The following ANKRD17 variants were observed in gnomAD, a reference collection of about 807,000 sequenced individuals.
The protein encoded by ANKRD17 is ankyrin repeat domain-containing protein 17.
ANKRD17 carries 19 observed loss-of-function variants against 229.7 expected under a neutral mutation model. The ratio of observed to expected loss-of-function variants is 0.08; its 90% CI spans 0.06 to 0.12. ANKRD17 has a LOEUF of 0.12. Ranked by LOEUF, ANKRD17 falls within the 10% of genes least tolerant of loss-of-function variation. The pLI, the probability that ANKRD17 is intolerant of heterozygous loss-of-function variation, is 1.00. For synonymous variants in ANKRD17, 1,112 were observed against 1,146.1 expected, an observed-to-expected ratio of 0.97 and a Z score of 0.60; for missense variants, 2,176 against 3,176.8, an observed-to-expected ratio of 0.68 and a Z score of 7.57.
At chr4:73,155,889 C>T in intron 4 of ANKRD17, 111 bp from the exon 5 acceptor site, 1 of 1,474,394 alleles carries the variant, frequency 6.8e-7, no homozygotes, top group Non-Finnish European at 9.1e-7. Flanking sequence ...TATAAGCACA[C>T]AAAATTTATC....
At chr4:73,225,384 C>T (rs1324240943) in intron 1 of ANKRD17, among the ~76,000 whole-genome samples, 3 of 152,130 alleles carry the variant, frequency 2.0e-5, no homozygotes, top group Non-Finnish European at 4.4e-5. Context: ...GTTAATAAAA[C>T]CTTTCACTCT....
intron 27 of ANKRD17, among the ~76,000 whole-genome samples, chr4:73,095,107 G>C (rs1442331782): frequency 6.6e-6 from 1 of 152,044 alleles, no homozygotes; most frequent in Non-Finnish European, 1.5e-5. Context: ...CCGGGAGATG[G>C]AGGTTGCTGT....
At chr4:73,102,874 C>T (rs962846268) in intron 24 of ANKRD17, 8 of 224,738 alleles carry the variant, frequency 3.6e-5, no homozygotes, top group African/African-American at 1.6e-4. Flanking sequence ...AAAAAGGTAT[C>T]AGATATCAGC....
At chr4:73,087,367 G>T (rs1458961192) in intron 29 of ANKRD17, among the ~76,000 whole-genome samples, 2 of 152,108 alleles carry the variant, frequency 1.3e-5, no homozygotes, top group Non-Finnish European at 2.9e-5. Context: ...TTACAAGTGT[G>T]AGCCACCACA....
chr4:73,113,680 G>T, intron 24 of ANKRD17, 112 bp downstream of exon 24: 1 of 855,160 alleles, frequency 1.2e-6, no homozygotes, highest in Non-Finnish European at 1.9e-6. Context: ...AAGAAATCAT[G>T]TACGTAATTT....
rs1722008240 is a variant in ANKRD17 at position 73,085,348 on chromosome 4, G to C, written c.7060C>G (p.Pro2354Ala). The change falls in exon 30 of 34, where the codon CCT becomes GCT. Residue 2354 changes from proline to alanine, a missense_variant. Transcript: ENST00000358602. ...GGTGCTCCTCCAAGGGGTGCCCCAG[G>C]TCCGTACATCTGACCTCCTGAAATG... ...SNISGGQMYG[P>A]GAPLGGAPAA... 6 of 1,614,112 alleles carry C rather than the reference G, an allele frequency of 3.7e-6. No homozygotes were observed. The East Asian group carries it at 1.3e-4, about 36-fold the overall frequency.
At chr4:73,255,657 G>A (rs543302170) in intron 1 of ANKRD17, among the ~76,000 whole-genome samples, 90 of 152,216 alleles carry the variant, frequency 5.9e-4, no homozygotes, top group African/African-American at 2.0e-3. Context: ...AGATGAAGAT[G>A]GGGCAGAGAC....
intron 1 of ANKRD17, among the ~76,000 whole-genome samples, chr4:73,224,445 C>G (rs1742247034): frequency 6.6e-6 from 1 of 151,956 alleles, no homozygotes; most frequent in Admixed American, 6.6e-5. Flanking sequence ...TAGGTGCAGT[C>G]AACTAGACAG....
At chr4:73,105,331 C>A (rs1481362293) in intron 24 of ANKRD17, among the ~76,000 whole-genome samples, 1 of 151,054 alleles carries the variant, frequency 6.6e-6, no homozygotes, top group African/African-American at 2.4e-5. Context: ...TACATACACA[C>A]ATACACCTAC....
At chr4:73,245,687 T>C (rs1220932362) in intron 1 of ANKRD17, among the ~76,000 whole-genome samples, 1 of 152,208 alleles carries the variant, frequency 6.6e-6, no homozygotes, top group Non-Finnish European at 1.5e-5. Flanking sequence ...TCTGCTTCTC[T>C]GGTTAAACCC....
intron 24 of ANKRD17, among the ~76,000 whole-genome samples, chr4:73,103,055 T>C (rs1170694808): frequency 6.6e-6 from 1 of 152,082 alleles, no homozygotes; most frequent in African/African-American, 2.4e-5. Flanking sequence ...GCAATTTTCT[T>C]TGCAAATTGA....
intron 1 of ANKRD17, among the ~76,000 whole-genome samples, chr4:73,185,749 C>T (rs993706514): frequency 1.3e-5 from 2 of 152,090 alleles, no homozygotes; most frequent in East Asian, 1.9e-4. Context: ...AATTATATAA[C>T]TCATACATAT....
intron 1 of ANKRD17, among the ~76,000 whole-genome samples, chr4:73,192,283 G>A (rs1737224314): frequency 6.6e-6 from 1 of 151,846 alleles, no homozygotes; most frequent in Non-Finnish European, 1.5e-5. Flanking sequence ...TTTACCAAAT[G>A]GATACATTAA....
chr4:73,161,808 C>T (rs1221023839), intron 2 of ANKRD17, among the ~76,000 whole-genome samples: 7 of 152,060 alleles, frequency 4.6e-5, no homozygotes, highest in Admixed American at 1.3e-4. Context: ...AACTCATTGA[C>T]GCCAGTAGTG....
rs776177196 is a variant in ANKRD17 at position 73,121,106 on chromosome 4, G to A, written c.3636-12C>T. On this transcript the variant is annotated splice_polypyrimidine_tract_variant and intron_variant, in intron 19 of 33. Coordinates refer to ENST00000358602, the MANE Select transcript of ANKRD17 (RefSeq NM_032217.5). ...ATTTGCTACCAGTTCTAGGGGTGCAGGTATGGGGAAAACAAATGGAAAAAT... is the reference window on the plus strand; with the variant it reads ...ATTTGCTACCAGTTCTAGGGGTGCAAGTATGGGGAAAACAAATGGAAAAAT... 44 of 1,604,894 alleles carry A rather than the reference G, an allele frequency of 2.7e-5. No individual in the cohort carries two copies. The Admixed American group carries it at 7.0e-4, about 26-fold the overall frequency.
At chr4:73,135,802 T>C (rs1728824149) in intron 15 of ANKRD17, among the ~76,000 whole-genome samples, 1 of 152,174 alleles carries the variant, frequency 6.6e-6, no homozygotes, top group African/African-American at 2.4e-5. Context: ...ATATTCTGCA[T>C]TGTAGCCCTC....
In ANKRD17 at chr4:73,149,018, A is replaced by T; in HGVS notation, c.1362T>A (p.Leu454=). Residue 454 remains leucine, a synonymous_variant, in exon 8 of 34, where the codon CTT becomes CTA. Coordinates refer to ENST00000358602, the MANE Select transcript of ANKRD17 (RefSeq NM_032217.5). ...GCATGTTCACTTGGGCACCGCTGTC[A>T]AGAAGTAACCTAGCTACTTCAACAT... ...DGHVEVARLL[L]DSGAQVNMPA... is the part of the protein sequence containing the mutation. The T allele has an allele frequency of 6.2e-7, 1 of 1,612,938 alleles. No homozygotes were observed. Among genetic ancestry groups the T allele is most frequent in the African/African-American group, 1.3e-5 (1 of 75,044 alleles).
At chr4:73,179,518 A>ATTTTTTTTTTTTT (rs56182757) in intron 1 of ANKRD17, among the ~76,000 whole-genome samples, 2 of 40,786 alleles carry the variant, frequency 4.9e-5, no homozygotes, top group Non-Finnish European at 9.2e-5. Flanking sequence ...ATATATATAT[A>ATTTTTTTTTTTTT]TTTTTTTTTT....
At chr4:73,120,597 G>A (rs1232011303) in intron 20 of ANKRD17, among the ~76,000 whole-genome samples, 1 of 150,836 alleles carries the variant, frequency 6.6e-6, no homozygotes, top group African/African-American at 2.4e-5. Context: ...CAAGCACTTG[G>A]CATATAACTG....
Sources: allele counts gnomAD v4.1 joint callset (sites outside exome capture counted in the v4.1 genomes callset), GRCh38; gene constraint gnomAD v4.1.1; transcripts MANE v1.5; gene names NCBI Gene and HGNC (gene_info 2026-07-23, HGNC 2026-07-21).